CNTLN: variants seen among roughly 807,000 people sequenced by gnomAD.
CNTLN encodes centlein, centrosomal protein.
CNTLN carries 212 observed loss-of-function variants against 180.0 expected under a neutral mutation model. The observed-to-expected ratio is 1.18, with a 90% CI of 1.05 to 1.32. The LOEUF (loss-of-function observed/expected upper bound fraction) is 1.32. Among genes scored for constraint, CNTLN ranks in the 40% most tolerant of loss-of-function variants. CNTLN has a pLI of 0.00. For missense variants in CNTLN, 2,095 were observed against 1,610.9 expected (o/e 1.30, Z -5.14); for synonymous variants, 722 against 563.1 (o/e 1.28, Z -3.99).
intron 13 of CNTLN, among the ~76,000 whole-genome samples, chr9:17,383,699 G>A (rs1272415386): frequency 2.0e-5 from 3 of 151,452 alleles, no homozygotes; most frequent in African/African-American, 7.3e-5. Flanking sequence ...GTGCAGTGGC[G>A]TGATCTCGGC....
At chr9:17,276,200 G>C (rs1299054034) in intron 6 of CNTLN, among the ~76,000 whole-genome samples, 1 of 152,052 alleles carries the variant, frequency 6.6e-6, no homozygotes, top group Admixed American at 6.6e-5. Context: ...TGGTAGTTTG[G>C]AGCAGTGGAC....
chr9:17,289,170 C>T lies in CNTLN; in HGVS notation c.984-9020C>T, dbSNP rs533464703. 6.5e-4 allele frequency among the ~76,000 whole-genome samples: 74 copies of T among 113,036 alleles called. 3 individuals carry two copies. Among genetic ancestry groups the T allele is most frequent in the South Asian group, 2.1e-3 (5 of 2,378 alleles). 74.2% of individuals were successfully genotyped at this position (113,036 alleles called of 152,430 possible). A position where few individuals can be genotyped will look rare whatever the true frequency, so the allele number is the denominator to read the frequency against. ...ACCAGTTGTTCCTTTCCATGTTTAG[C>T]GCTTCCTTCAGGAGCTCTTTTAGGG... On this transcript the variant is annotated intron_variant, in intron 6 of 25. Coordinates refer to ENST00000380647, the MANE Select transcript of CNTLN (RefSeq NM_017738.4).
chr9:17,233,531 G>A (rs1438629213), intron 3 of CNTLN, among the ~76,000 whole-genome samples: 1 of 152,054 alleles, frequency 6.6e-6, no homozygotes, highest in Non-Finnish European at 1.5e-5. Flanking sequence ...ATTGCAGTCT[G>A]CAGTTTGAAA....
At chr9:17,209,024 G>T (rs1466149814) in intron 2 of CNTLN, among the ~76,000 whole-genome samples, 2 of 151,844 alleles carry the variant, frequency 1.3e-5, no homozygotes, top group Non-Finnish European at 2.9e-5. Flanking sequence ...TAAGATCAAT[G>T]GTTAGGTTGT....
intron 14 of CNTLN, among the ~76,000 whole-genome samples, chr9:17,388,750 G>T (rs1486684207): frequency 6.6e-6 from 1 of 151,708 alleles, no homozygotes; most frequent in African/African-American, 2.4e-5. Context: ...GTATGATTTA[G>T]TACAGCATTT....
intron 23 of CNTLN, among the ~76,000 whole-genome samples, chr9:17,478,976 C>T (rs562576885): frequency 5.9e-5 from 9 of 152,172 alleles, no homozygotes; most frequent in East Asian, 1.9e-4. Flanking sequence ...CAGGGAAATG[C>T]GAATCAATGC....
At chr9:17,389,254 G>A (rs1487790995) in intron 14 of CNTLN, among the ~76,000 whole-genome samples, 3 of 151,972 alleles carry the variant, frequency 2.0e-5, no homozygotes, top group Non-Finnish European at 2.9e-5. Context: ...AACTAGAAAT[G>A]CTTACATTCA....
intron 12 of CNTLN, among the ~76,000 whole-genome samples, chr9:17,352,418 T>TATA (rs1564020071): frequency 2.1e-4 from 4 of 19,266 alleles, no homozygotes; most frequent in African/African-American, 6.5e-4. Flanking sequence ...ATATATATAT[T>TATA]TTTTTTTTTT....
At chr9:17,412,981 A>G (rs1249638068) in intron 16 of CNTLN, among the ~76,000 whole-genome samples, 1 of 152,190 alleles carries the variant, frequency 6.6e-6, no homozygotes, top group African/African-American at 2.4e-5. Context: ...TAGAACTGAA[A>G]AATTAAATAA....
chr9:17,237,094 A>G (rs1352590118), intron 5 of CNTLN, among the ~76,000 whole-genome samples: 1 of 152,070 alleles, frequency 6.6e-6, no homozygotes, highest in East Asian at 1.9e-4. Context: ...TTATTTTTAT[A>G]GAAGATAAAA....
chr9:17,179,175 C>T (rs899640941), intron 2 of CNTLN, among the ~76,000 whole-genome samples: 2 of 136,420 alleles, frequency 1.5e-5, no homozygotes, highest in East Asian at 2.1e-4. Context: ...ACCCGGGAGG[C>T]GGAGCTTGCA....
intron 10 of CNTLN, among the ~76,000 whole-genome samples, chr9:17,336,537 T>C (rs1821049751): frequency 6.6e-6 from 1 of 152,214 alleles, no homozygotes; most frequent in African/African-American, 2.4e-5. Flanking sequence ...TTTTAAAAGA[T>C]TTTTTCTTAT....
chr9:17,312,384 A>ATATATATAT (rs1563985021), intron 8 of CNTLN, among the ~76,000 whole-genome samples: 4 of 108,070 alleles, frequency 3.7e-5, no homozygotes, highest in Admixed American at 9.6e-5. Flanking sequence ...ATATATATAT[A>ATATATATAT]ATTTATTTAT....
chr9:17,406,961 A>T (rs1827440608), intron 15 of CNTLN, among the ~76,000 whole-genome samples: 1 of 148,566 alleles, frequency 6.7e-6, no homozygotes, highest in Admixed American at 6.7e-5. Context: ...TTTTCATACC[A>T]CTTTGGCCAT....
chr9:17,490,512 T>C (rs963816243), intron 25 of CNTLN, among the ~76,000 whole-genome samples: 46 of 152,244 alleles, frequency 3.0e-4, no homozygotes, highest in African/African-American at 1.1e-3. Context: ...TACTTTATGA[T>C]TCCATTCATA....
At chr9:17,330,398 T>C (rs1320285731) in intron 8 of CNTLN, among the ~76,000 whole-genome samples, 3 of 152,036 alleles carry the variant, frequency 2.0e-5, no homozygotes, top group African/African-American at 7.2e-5. Flanking sequence ...TTGAAATCTA[T>C]ATGACAGCAT....
intron 13 of CNTLN, among the ~76,000 whole-genome samples, chr9:17,384,221 A>G (rs989561643): frequency 1.3e-5 from 2 of 151,946 alleles, no homozygotes; most frequent in African/African-American, 4.8e-5. Context: ...TCAAGTCCCC[A>G]GCTTAAAGAC....
Position 17,274,724 on chromosome 9 carries a change from AC to A in CNTLN, c.983+859del, listed in dbSNP as rs554493064. ...GGATACATCACTGCCATTCTGGTAC[AC>A]ATTGGGTGGAGTTCTTTGGTAAAAC... On this transcript the variant is annotated intron_variant, in intron 6 of 25. Coordinates refer to ENST00000380647, the MANE Select transcript of CNTLN (RefSeq NM_017738.4). Among the ~76,000 whole-genome samples, 335 of 152,240 alleles carry A rather than the reference AC, an allele frequency of 2.2e-3. 2 individuals carry two copies. Among genetic ancestry groups the A allele is most frequent in the Admixed American group, 2.6e-3 (40 of 15,288 alleles).
At chr9:17,411,366 C>G (rs1186678046) in intron 16 of CNTLN, among the ~76,000 whole-genome samples, 1 of 152,122 alleles carries the variant, frequency 6.6e-6, no homozygotes, top group Non-Finnish European at 1.5e-5. Flanking sequence ...AAATTGCAAC[C>G]CTGTTTCCAG....
Sources: allele counts gnomAD v4.1 joint callset (sites outside exome capture counted in the v4.1 genomes callset), GRCh38; gene constraint gnomAD v4.1.1; transcripts MANE v1.5; gene names NCBI Gene and HGNC (gene_info 2026-07-23, HGNC 2026-07-21).